PTPRE: variants seen among roughly 807,000 people sequenced by gnomAD.
PTPRE encodes the protein receptor-type tyrosine-protein phosphatase epsilon.
Under a neutral mutation model 102.0 loss-of-function variants are expected in PTPRE, and 51 were observed. The observed-to-expected ratio is 0.50, with a 90% confidence interval of 0.40 to 0.63. The LOEUF (loss-of-function observed/expected upper bound fraction) is 0.63. Among genes scored for constraint, PTPRE ranks in the 30% least tolerant of loss-of-function variants. The pLI, the probability that PTPRE is intolerant of heterozygous loss-of-function variation, is 0.00. For synonymous variants in PTPRE, 345 were observed against 348.2 expected (o/e 0.99, Z 0.10); for missense variants, 752 against 915.1 (o/e 0.82, Z 2.30).
rs143491503 is a variant in PTPRE, at chr10:128,001,771, C to T, written c.-8+19475C>T. ...GGAAGGTTCTTAGTATTAGGAGCTG[C>T]GGAAACCAGGATGCTGTGGAAACCA... On this transcript the variant is annotated intron_variant, in intron 2 of 20. Coordinates refer to ENST00000254667, the MANE Select transcript of PTPRE (RefSeq NM_006504.6). 6.9e-4 allele frequency among the ~76,000 whole-genome samples: 105 copies of T among 152,244 alleles called. No individual in the cohort carries two copies. In the East Asian group the frequency reaches 0.018, roughly 26 times the overall value.
intron 1 of PTPRE, among the ~76,000 whole-genome samples, chr10:127,973,624 G>A (rs746091830): frequency 1.3e-5 from 2 of 151,842 alleles, no homozygotes; most frequent in Admixed American, 1.3e-4. Flanking sequence ...TCTAACAAAC[G>A]TCTCTGCTCT....
chr10:128,026,405 C>T (rs974851038), intron 2 of PTPRE, among the ~76,000 whole-genome samples: 9 of 152,222 alleles, frequency 5.9e-5, no homozygotes, highest in Non-Finnish European at 1.2e-4. Context: ...CTGACCTCTC[C>T]CCAGTCTGTC....
At chr10:127,920,129 C>T (rs938375423) in intron 1 of PTPRE, among the ~76,000 whole-genome samples, 7 of 152,138 alleles carry the variant, frequency 4.6e-5, no homozygotes, top group African/African-American at 1.4e-4. Context: ...GTGGGAGTTA[C>T]TCAACTGTTT....
At chr10:127,977,563 A>C (rs2135448605) in intron 1 of PTPRE, among the ~76,000 whole-genome samples, 1 of 152,312 alleles carries the variant, frequency 6.6e-6, no homozygotes, top group African/African-American at 2.4e-5. Context: ...CTTTTGTCCG[A>C]GTTTGGAAAG....
intron 1 of PTPRE, among the ~76,000 whole-genome samples, chr10:127,965,269 G>T (rs1205022419): frequency 2.0e-5 from 3 of 151,842 alleles, no homozygotes; most frequent in Non-Finnish European, 4.4e-5. Flanking sequence ...AAAGACAAAA[G>T]AAGTTCTTCA....
chr10:128,034,464 A>C (rs1190092537), intron 2 of PTPRE, among the ~76,000 whole-genome samples: 1 of 152,038 alleles, frequency 6.6e-6, no homozygotes, highest in Non-Finnish European at 1.5e-5. Context: ...TCAGGGCGGG[A>C]GGATTGCTTG....
chr10:127,988,493 A>G (rs1472270169), intron 2 of PTPRE, among the ~76,000 whole-genome samples: 2 of 151,812 alleles, frequency 1.3e-5, no homozygotes, highest in Non-Finnish European at 2.9e-5. Context: ...TTTAGTAGAG[A>G]TGGGTTTTGC....
At chr10:127,933,487 G>A (rs190463224) in intron 1 of PTPRE, among the ~76,000 whole-genome samples, 8 of 152,228 alleles carry the variant, frequency 5.3e-5, no homozygotes, top group East Asian at 1.9e-4. Context: ...CATGCCACGC[G>A]TTCTGGATGA....
At chr10:128,058,502 C>T (rs78631845) in intron 7 of PTPRE, among the ~76,000 whole-genome samples, 27,613 of 152,174 alleles carry the variant, frequency 0.18, 2,964 homozygotes, top group African/African-American at 0.29. Context: ...GGGACCAGGA[C>T]GTGGCACTTC....
chr10:127,943,493 C>T (rs1301088187), intron 1 of PTPRE, among the ~76,000 whole-genome samples: 3 of 152,130 alleles, frequency 2.0e-5, no homozygotes, highest in East Asian at 1.9e-4. Context: ...AGGAGGGAGA[C>T]GGCTACCTGA....
chr10:127,999,765 G>A (rs533835616), intron 2 of PTPRE: 1 of 985,264 alleles, frequency 1.0e-6, no homozygotes, highest in Non-Finnish European at 1.2e-6. Context: ...CTGGTTTCTG[G>A]TGACATAGTG....
At chr10:128,018,698 G>A (rs548025778) in intron 2 of PTPRE, among the ~76,000 whole-genome samples, 18 of 152,064 alleles carry the variant, frequency 1.2e-4, no homozygotes, top group Admixed American at 2.6e-4. Flanking sequence ...AGCTGCTCCC[G>A]GCCAGTTCTC....
In PTPRE at chr10:128,049,862, G is replaced by A. The variant is rs571732557; in HGVS notation, c.420+196G>A. Among the ~76,000 whole-genome samples the A allele has an allele frequency of 4.6e-5, 7 of 152,042 alleles. No individual in the cohort carries two copies. The South Asian group carries it at 1.4e-3, about 31-fold the overall frequency. On this transcript the variant is annotated intron_variant, in intron 6 of 20. Transcript: ENST00000254667. ...CCAATGCTTATTTCCTCATTTATAA[G>A]ATGAGACAGTTGAGTTAGAGGTTTG...
chr10:128,060,392 C>T (rs903920649), intron 7 of PTPRE, among the ~76,000 whole-genome samples: 8 of 152,324 alleles, frequency 5.3e-5, no homozygotes, highest in African/African-American at 1.9e-4. Flanking sequence ...GCTCGCCTTC[C>T]AGCTCTGGGG....
At chr10:128,027,330 C>T (rs1846356796) in intron 2 of PTPRE, among the ~76,000 whole-genome samples, 1 of 152,228 alleles carries the variant, frequency 6.6e-6, no homozygotes. Flanking sequence ...CACTCTCCCT[C>T]CTCGGCTGCT....
intron 1 of PTPRE, among the ~76,000 whole-genome samples, chr10:127,967,545 C>A (rs1393084120): frequency 6.6e-6 from 1 of 152,236 alleles, no homozygotes; most frequent in Admixed American, 6.5e-5. Flanking sequence ...GATTGTGAGG[C>A]CTTCCCAGCC....
chr10:127,972,671 T>G (rs563767029), intron 1 of PTPRE, among the ~76,000 whole-genome samples: 1 of 152,208 alleles, frequency 6.6e-6, no homozygotes, highest in African/African-American at 2.4e-5. Context: ...TCATGTGTAG[T>G]GGCCATTGAA....
At position 127,944,221 on chromosome 10, in the gene PTPRE, T is replaced by C. The variant is rs567334231; in HGVS notation, c.-31+36912T>C. On this transcript the variant is annotated intron_variant, in intron 1 of 20. Transcript: ENST00000254667. The surrounding 1 kb of genome is among the most constrained non-coding windows in gnomAD (Gnocchi z 4.2). The stretch of plus-strand genomic sequence containing the variant: ...CAGGGACCAGAACTGGGGTATAAAG[T>C]AGGACTGAGAATTAAGAGGAAGACC... Among the ~76,000 whole-genome samples the C allele has an allele frequency of 1.2e-4, 18 of 152,164 alleles. 1 individual carries two copies. The highest frequency in any genetic ancestry group is 4.1e-4 in the African/African-American group (17 of 41,488).
chr10:128,047,876 T>G lies in PTPRE; in HGVS notation c.283+39T>G, dbSNP rs1443288524. The G allele has an allele frequency of 2.0e-6, 3 of 1,530,668 alleles. No homozygotes were observed. The African/African-American group carries it at 4.2e-5, about 21-fold the overall frequency. 94.8% of individuals were successfully genotyped at this position (1,530,668 alleles called of 1,614,324 possible). A position where few individuals can be genotyped will look rare whatever the true frequency, so the allele number is the denominator to read the frequency against. On this transcript the variant is annotated intron_variant, in intron 5 of 20. Transcript: ENST00000254667. Reference sequence around the variant, plus strand: ...TCTCTGGCTGGGGCTTGGGGGAAAATGTGTTCTTTTTTAGCAGACACTGAG... The same window carrying G: ...TCTCTGGCTGGGGCTTGGGGGAAAAGGTGTTCTTTTTTAGCAGACACTGAG...
Sources: allele counts gnomAD v4.1 joint callset (sites outside exome capture counted in the v4.1 genomes callset), GRCh38; gene constraint gnomAD v4.1.1; non-coding constraint Gnocchi (gnomAD v3.1); transcripts MANE v1.5; gene names NCBI Gene and HGNC (gene_info 2026-07-23, HGNC 2026-07-21).